The following PLD1 variants were observed in gnomAD, a reference collection of about 807,000 sequenced individuals.
PLD1 encodes the protein phospholipase D1, also known as choline phosphatase 1.
Under a neutral mutation model 137.1 loss-of-function variants are expected in PLD1, and 112 were observed. The ratio of observed to expected loss-of-function variants is 0.82; its 90% confidence interval spans 0.70 to 0.96. The LOEUF is 0.96. Ranked by LOEUF, PLD1 falls within the 40% of genes least tolerant of loss-of-function variation. The pLI is 0.00. For missense variants in PLD1, 1,321 were observed against 1,342.0 expected, an observed-to-expected ratio of 0.98 and a Z score of 0.24; for synonymous variants, 431 against 454.7, an observed-to-expected ratio of 0.95 and a Z score of 0.66.
At chr3:171,714,166 T>C (rs1717494274) in intron 8 of PLD1, 121 bp from the exon 9 acceptor site, 2 of 595,090 alleles carry the variant, frequency 3.4e-6, no homozygotes, top group Non-Finnish European at 5.8e-6. Context: ...TTACATTTTC[T>C]ACACAGGAGA....
intron 1 of PLD1, among the ~76,000 whole-genome samples, chr3:171,776,706 C>T (rs1722602188): frequency 6.6e-6 from 1 of 152,148 alleles, no homozygotes; most frequent in Admixed American, 6.5e-5. Flanking sequence ...GTCATGGCTC[C>T]TGTCTATATT....
intron 16 of PLD1, among the ~76,000 whole-genome samples, chr3:171,679,411 C>A (rs1282032232): frequency 6.6e-6 from 1 of 152,056 alleles, no homozygotes; most frequent in African/African-American, 2.4e-5. Context: ...GGCCAAAGTA[C>A]GGGTAGGTCT....
intron 1 of PLD1, among the ~76,000 whole-genome samples, chr3:171,741,699 C>T (rs936114431): frequency 1.3e-5 from 2 of 152,054 alleles, no homozygotes; most frequent in Non-Finnish European, 2.9e-5. Context: ...TTTTTATTCT[C>T]GTTTTGAATT....
rs767813758 is a variant in PLD1 at position 171,603,261 on chromosome 3, A to T, written c.3042T>A (p.Ile1014=). Reference sequence around the variant, plus strand: ...GCTTGTTTATAAAGTCTCTCAGCTGAATTAAATTGTGTACTTCATCATTGG... The same window carrying T: ...GCTTGTTTATAAAGTCTCTCAGCTGTATTAAATTGTGTACTTCATCATTGG... ...CLPNDEVHNL[I]QLRDFINKPV... The change falls in exon 27 of 27, where the codon ATT becomes ATA. Residue 1014 remains isoleucine, a synonymous_variant. Coordinates refer to ENST00000351298, the MANE Select transcript of PLD1 (RefSeq NM_002662.5). The T allele has an allele frequency of 1.2e-6, 2 of 1,613,938 alleles. No individual in the cohort carries two copies. Among genetic ancestry groups the T allele is most frequent in the Non-Finnish European group, 1.7e-6 (2 of 1,179,964 alleles).
chr3:171,748,871 C>T (rs537109784), intron 1 of PLD1, among the ~76,000 whole-genome samples: 1 of 149,142 alleles, frequency 6.7e-6, no homozygotes, highest in East Asian at 2.0e-4. Context: ...TGTTCCTATG[C>T]CCCTAGTTAT....
chr3:171,620,646 T>C, intron 23 of PLD1, 126 bp from the exon 24 acceptor site: 2 of 425,824 alleles, frequency 4.7e-6, no homozygotes, highest in Admixed American at 4.0e-5. Flanking sequence ...TATATGTATA[T>C]GTTTTCTATT....
At chr3:171,637,463 G>A (rs1472915370) in intron 23 of PLD1, among the ~76,000 whole-genome samples, 1 of 152,030 alleles carries the variant, frequency 6.6e-6, no homozygotes, top group African/African-American at 2.4e-5. Flanking sequence ...TCGATCTCTT[G>A]ACCTCGTGAT....
At chr3:171,709,934 T>C (rs557177424) in intron 9 of PLD1, among the ~76,000 whole-genome samples, 1 of 152,324 alleles carries the variant, frequency 6.6e-6, no homozygotes, top group South Asian at 2.1e-4. Context: ...TGCATAAAGG[T>C]ACTTACCATA....
intron 1 of PLD1, among the ~76,000 whole-genome samples, chr3:171,761,490 C>T (rs964931752): frequency 1.3e-5 from 2 of 152,136 alleles, no homozygotes; most frequent in Admixed American, 6.5e-5. Context: ...GCAAGACCTC[C>T]ACCAGAGCAA....
Position 171,749,843 on chromosome 3 carries a change from A to G in PLD1, c.-31-11761T>C, listed in dbSNP as rs528245120. Among the ~76,000 whole-genome samples, 40 of 152,358 alleles carry G rather than the reference A, an allele frequency of 2.6e-4. 1 individual carries two copies. The highest frequency in any genetic ancestry group is 2.4e-3 in the Admixed American group (37 of 15,308). On this transcript the variant is annotated intron_variant, in intron 1 of 26. Transcript: ENST00000351298. ...AGGCTGACGCTTGAACTACATAGGCATGGGATACATTCCAATGCAACTCAG... is the reference window on the plus strand; with the variant it reads ...AGGCTGACGCTTGAACTACATAGGCGTGGGATACATTCCAATGCAACTCAG...
chr3:171,602,975 C>T lies in PLD1; in HGVS notation c.*103G>A, dbSNP rs540966464. 87 of 788,658 alleles carry T rather than the reference C, an allele frequency of 1.1e-4. No individual in the cohort carries two copies. The highest frequency in any genetic ancestry group is 3.0e-4 in the Admixed American group (14 of 46,760). 48.9% of individuals were successfully genotyped at this position (788,658 alleles called of 1,614,324 possible). A position where few individuals can be genotyped will look rare whatever the true frequency, so the allele number is the denominator to read the frequency against. On this transcript the variant is annotated 3_prime_UTR_variant, in exon 27 of 27. Transcript: ENST00000351298. ...TTCCAAAAGGTCCTTGGGTTGGATA[C>T]GAGAATGCGTCAGGCCTGGCTTTGG... is the stretch of plus-strand genomic sequence containing the variant.
chr3:171,719,343 C>T (rs1361633211), intron 8 of PLD1, among the ~76,000 whole-genome samples: 1 of 152,176 alleles, frequency 6.6e-6, no homozygotes, highest in Non-Finnish European at 1.5e-5. Context: ...TATTGTCTGT[C>T]TCCTACAGTA....
rs1228153480 is a variant in PLD1, at chr3:171,709,691, G to C, written c.930C>G (p.Cys310Trp). 1 of 1,612,094 alleles carries C rather than the reference G, an allele frequency of 6.2e-7. No homozygotes were observed. Among genetic ancestry groups the C allele is most frequent in the South Asian group, 1.1e-5 (1 of 90,460 alleles). Residue 310 changes from cysteine to tryptophan, a missense_variant, in exon 10 of 27, where the codon TGC becomes TGG. Physicochemically the swap from Cys to Trp is radical, Grantham distance 215. Coordinates refer to ENST00000351298, the MANE Select transcript of PLD1 (RefSeq NM_002662.5). ...ACCACCGAGCATGTCTATAGCTGTT[G>C]CATTTTAAAATAAGTGTCCTTTAAA... ...DNLSRTLILK[C>W]NSYRHARWWG... is the part of the protein sequence containing the mutation.
chr3:171,604,027 T>C (rs1474008942), intron 26 of PLD1, among the ~76,000 whole-genome samples: 1 of 152,090 alleles, frequency 6.6e-6, no homozygotes, highest in Admixed American at 6.6e-5. Flanking sequence ...CTTCGGTCCA[T>C]GAAATAAGGA....
rs1343389829 is a variant in PLD1, at chr3:171,737,951, T to G, written c.101A>C (p.His34Pro). 2 of 1,613,936 alleles carry G rather than the reference T, an allele frequency of 1.2e-6. No individual in the cohort carries two copies. Among genetic ancestry groups the G allele is most frequent in the Non-Finnish European group, 1.7e-6 (2 of 1,179,930 alleles). ...IIENLDTREL[H>P]FEGEEVDYDV... ...GTAGTCTACCTCCTCTCCCTCAAAG[T>G]GGAGTTCCCGCGTGTCCAGATTTTC... The change falls in exon 2 of 27, where the codon CAC becomes CCC. Residue 34 changes from histidine (H) to proline (P), a missense_variant. His to Pro is a moderately conservative substitution (Grantham distance 77). Transcript: ENST00000351298.
At chr3:171,758,698 G>C (rs1578424612) in intron 1 of PLD1, among the ~76,000 whole-genome samples, 1 of 152,216 alleles carries the variant, frequency 6.6e-6, no homozygotes, top group East Asian at 1.9e-4. Context: ...TGTCCAAGAA[G>C]GAAAATATGA....
chr3:171,808,397 G>T (rs547072639), intron 1 of PLD1, among the ~76,000 whole-genome samples: 3 of 152,076 alleles, frequency 2.0e-5, no homozygotes, highest in Non-Finnish European at 4.4e-5. Context: ...TCAACCGGGC[G>T]TGGCAGCAGG....
chr3:171,636,875 T>C (rs993279744), intron 23 of PLD1, among the ~76,000 whole-genome samples: 2 of 151,346 alleles, frequency 1.3e-5, no homozygotes, highest in Non-Finnish European at 3.0e-5. Flanking sequence ...CCATTAAGTA[T>C]GATGTCAGCT....
intron 1 of PLD1, among the ~76,000 whole-genome samples, chr3:171,799,275 G>C (rs961420065): frequency 1.4e-5 from 2 of 148,104 alleles, no homozygotes; most frequent in Non-Finnish European, 3.0e-5. Flanking sequence ...GGCGGTGGAG[G>C]TTGCAGTGAG....
Sources: allele counts gnomAD v4.1 joint callset (sites outside exome capture counted in the v4.1 genomes callset), GRCh38; gene constraint gnomAD v4.1.1; transcripts MANE v1.5; gene names NCBI Gene and HGNC (gene_info 2026-07-23, HGNC 2026-07-21).